ADGRL3: variants seen among roughly 807,000 people sequenced by gnomAD.
The protein encoded by ADGRL3 is calcium-independent alpha-latrotoxin receptor 3.
Under a neutral mutation model 153.5 loss-of-function variants are expected in ADGRL3, and 62 were observed. The ratio of observed to expected loss-of-function variants is 0.40; its 90% CI spans 0.33 to 0.50. The LOEUF (loss-of-function observed/expected upper bound fraction) is 0.50. Among genes scored for constraint, ADGRL3 ranks in the 20% least tolerant of loss-of-function variants. The pLI is 0.47. For synonymous variants in ADGRL3, 710 were observed against 672.5 expected (o/e 1.06, Z -0.86); for missense variants, 1,641 against 1,859.4 (o/e 0.88, Z 2.16).
At chr4:61,755,252 C>G (rs1318720707) in intron 8 of ADGRL3, among the ~76,000 whole-genome samples, 1 of 152,016 alleles carries the variant, frequency 6.6e-6, no homozygotes, top group African/African-American at 2.4e-5. Context: ...AAAAGTGTTC[C>G]TATTTCTCTA....
chr4:61,646,600 G>A (rs951905488), intron 5 of ADGRL3, among the ~76,000 whole-genome samples: 2 of 151,682 alleles, frequency 1.3e-5, no homozygotes, highest in African/African-American at 4.9e-5. Flanking sequence ...GGGGTCAGGG[G>A]TCAGGGACCC....
intron 17 of ADGRL3, 123 bp downstream of exon 17, chr4:61,948,399 A>G (rs1419860743): frequency 3.1e-6 from 2 of 651,042 alleles, no homozygotes; most frequent in African/African-American, 3.7e-5. Context: ...AATTCTATTA[A>G]GGAACTCTCT....
intron 6 of ADGRL3, among the ~76,000 whole-genome samples, chr4:61,690,272 A>G (rs2095516510): frequency 6.6e-6 from 1 of 151,996 alleles, no homozygotes; most frequent in African/African-American, 2.4e-5. Flanking sequence ...TAGTGAGACC[A>G]TGTCTGTACA....
At chr4:61,959,729 T>C (rs1163669275) in intron 17 of ADGRL3, among the ~76,000 whole-genome samples, 2 of 152,322 alleles carry the variant, frequency 1.3e-5, no homozygotes, top group Admixed American at 1.3e-4. Flanking sequence ...ATTTTTACTT[T>C]TTAAAGCCCC....
At chr4:61,547,481 T>C (rs1311825200) in intron 4 of ADGRL3, among the ~76,000 whole-genome samples, 3 of 152,022 alleles carry the variant, frequency 2.0e-5, no homozygotes. Flanking sequence ...TCTGTATGTT[T>C]AACTCCCACT....
chr4:61,775,806 A>G (rs2152335675), intron 8 of ADGRL3: 1 of 713,130 alleles, frequency 1.4e-6, no homozygotes, highest in Non-Finnish European at 2.6e-6. Context: ...GTAAAGCAGT[A>G]TTAACGTCCA....
At chr4:61,341,735 A>G (rs979605892) in intron 1 of ADGRL3, among the ~76,000 whole-genome samples, 1 of 151,932 alleles carries the variant, frequency 6.6e-6, no homozygotes, top group Admixed American at 6.6e-5. Flanking sequence ...AAGGCCCACA[A>G]TTTAGTTATT....
Position 61,981,862 on chromosome 4 carries a change from C to T in ADGRL3, c.3016-1521C>T, listed in dbSNP as rs1374724326. On this transcript the variant is annotated intron_variant, in intron 18 of 26. Transcript: ENST00000683033. ...AGTTGGATTCATGTTTGTGATTACA[C>T]ATTCATGATTAATGACTGTAAAGGG... is the stretch of plus-strand genomic sequence containing the variant. 3.9e-5 allele frequency among the ~76,000 whole-genome samples: 6 copies of T among 152,278 alleles called. No homozygotes were observed. The East Asian group carries it at 1.2e-3, about 29-fold the overall frequency.
chr4:62,064,021 C>G (rs186979226), intron 25 of ADGRL3, among the ~76,000 whole-genome samples: 288 of 152,066 alleles, frequency 1.9e-3, no homozygotes, highest in Non-Finnish European at 3.1e-3. Flanking sequence ...CTTAATATTA[C>G]AAGATCAAGA....
At chr4:61,875,329 C>A (rs1194663048) in intron 9 of ADGRL3, among the ~76,000 whole-genome samples, 1 of 152,048 alleles carries the variant, frequency 6.6e-6, no homozygotes, top group African/African-American at 2.4e-5. Flanking sequence ...ATTTAGAATA[C>A]ATAATTATAA....
At chr4:61,922,748 GTT>G (rs1343902021) in intron 13 of ADGRL3, among the ~76,000 whole-genome samples, 1 of 152,180 alleles carries the variant, frequency 6.6e-6, no homozygotes, top group Admixed American at 6.5e-5. Context: ...TTCAGACACT[GTT>G]TCAGGTGCAG....
intron 4 of ADGRL3, among the ~76,000 whole-genome samples, chr4:61,576,466 T>C (rs2098883564): frequency 6.6e-6 from 1 of 151,162 alleles, no homozygotes; most frequent in South Asian, 2.1e-4. Flanking sequence ...CCCACATTTC[T>C]AGCATTTGGC....
chr4:61,881,178 A>G (rs1288779683), intron 9 of ADGRL3, among the ~76,000 whole-genome samples: 2 of 152,210 alleles, frequency 1.3e-5, no homozygotes, highest in Non-Finnish European at 2.9e-5. Context: ...CAAATAATCA[A>G]AATAGGGCCT....
chr4:62,039,535 G>C (rs958195795), intron 24 of ADGRL3, among the ~76,000 whole-genome samples: 2 of 152,080 alleles, frequency 1.3e-5, no homozygotes, highest in East Asian at 3.9e-4. Context: ...ATCTGAATTT[G>C]ATTTATTTTT....
intron 9 of ADGRL3, among the ~76,000 whole-genome samples, chr4:61,835,909 A>G (rs543567853): frequency 1.8e-3 from 267 of 152,318 alleles, no homozygotes; most frequent in Non-Finnish European, 3.3e-3. Flanking sequence ...GCCAATTTTT[A>G]GCTTGCAAAG....
At chr4:61,781,424 A>G (rs926236364) in intron 8 of ADGRL3, among the ~76,000 whole-genome samples, 7 of 151,868 alleles carry the variant, frequency 4.6e-5, no homozygotes, top group African/African-American at 1.7e-4. Flanking sequence ...ACATTTCTTT[A>G]TGTATGTTAA....
intron 17 of ADGRL3, among the ~76,000 whole-genome samples, chr4:61,955,870 T>A (rs1272857902): frequency 6.6e-6 from 1 of 152,038 alleles, no homozygotes; most frequent in East Asian, 1.9e-4. Context: ...ATGACCTCAT[T>A]CCTTTTTATG....
intron 9 of ADGRL3, among the ~76,000 whole-genome samples, chr4:61,859,584 A>G (rs1339474413): frequency 6.6e-6 from 1 of 152,202 alleles, no homozygotes; most frequent in Non-Finnish European, 1.5e-5. Context: ...TTTACAATGT[A>G]TAAGTTGTCC....
chr4:61,427,868 G>T (rs1010906978), intron 2 of ADGRL3: 1 of 152,702 alleles, frequency 6.5e-6, no homozygotes, highest in Non-Finnish European at 1.5e-5. Context: ...AGTCAAAAAC[G>T]CCCATCCAAC....
Sources: allele counts gnomAD v4.1 joint callset (sites outside exome capture counted in the v4.1 genomes callset), GRCh38; gene constraint gnomAD v4.1.1; transcripts MANE v1.5; gene names NCBI Gene and HGNC (gene_info 2026-07-23, HGNC 2026-07-21).